The following TENM4 variants were observed in gnomAD, a reference collection of about 807,000 sequenced individuals.
TENM4 encodes the protein teneurin-4.
TENM4 carries 82 observed loss-of-function variants against 243.3 expected under a neutral mutation model. The ratio of observed to expected loss-of-function variants is 0.34; its 90% CI spans 0.28 to 0.40. TENM4 has a LOEUF of 0.40. Among genes scored for constraint, TENM4 ranks in the 10% least tolerant of loss-of-function variants. The pLI is 1.00. For synonymous variants in TENM4, 1,412 were observed against 1,456.3 expected (o/e 0.97, Z 0.69); for missense variants, 3,138 against 3,673.3 (o/e 0.85, Z 3.77).
intron 32 of TENM4, 33 bp downstream of exon 32, chr11:78,668,904 G>A (rs1298462032): frequency 6.3e-6 from 10 of 1,582,540 alleles, no homozygotes; most frequent in Non-Finnish European, 7.8e-6. Flanking sequence ...GCACTTTATG[G>A]GGTCCTGCCC....
At chr11:78,917,395 G>C (rs1434824881) in intron 6 of TENM4, among the ~76,000 whole-genome samples, 1 of 152,218 alleles carries the variant, frequency 6.6e-6, no homozygotes, top group Non-Finnish European at 1.5e-5. Context: ...GCCCTAAAAG[G>C]CCTCACTTGG....
intron 1 of TENM4, among the ~76,000 whole-genome samples, chr11:79,357,201 C>T (rs1322609881): frequency 6.6e-6 from 1 of 152,180 alleles, no homozygotes; most frequent in East Asian, 1.9e-4. Flanking sequence ...CTGGCACATG[C>T]CTTGTCTGAG....
chr11:78,754,621 A>C (rs183415653), intron 19 of TENM4, among the ~76,000 whole-genome samples: 21 of 152,304 alleles, frequency 1.4e-4, no homozygotes, highest in Admixed American at 5.2e-4. Flanking sequence ...GGATTAAAAA[A>C]ACTCACACTG....
intron 4 of TENM4, among the ~76,000 whole-genome samples, chr11:79,098,944 G>T (rs1011919893): frequency 1.3e-5 from 2 of 152,206 alleles, no homozygotes; most frequent in African/African-American, 2.4e-5. Context: ...GGGATAGAAA[G>T]GTCTCCCTCA....
Position 78,853,851 on chromosome 11 carries a change from C to T in TENM4, c.1681+253G>A, listed in dbSNP as rs188046357. ...TTCCTGTCTCACAATTCCACTCCCA[C>T]CTTGAAATGCACTGCACACCAACCA... On this transcript the variant is annotated intron_variant, in intron 12 of 33. Transcript: ENST00000278550. Among the ~76,000 whole-genome samples the T allele has an allele frequency of 1.8e-3, 274 of 152,350 alleles. 1 individual carries two copies. The highest frequency in any genetic ancestry group is 6.2e-3 in the African/African-American group (257 of 41,580).
At position 79,399,634 on chromosome 11, in the gene TENM4, T is replaced by C. The variant is rs182296412; in HGVS notation, c.-321+40875A>G. Among the ~76,000 whole-genome samples, 249 of 152,240 alleles carry C rather than the reference T, an allele frequency of 1.6e-3. 2 individuals carry two copies. The highest frequency in any genetic ancestry group is 0.014 in the South Asian group (68 of 4,810). ...TTGCTTGAATACATTTGTTTATTAA[T>C]TTGATAACTTGATGGATCTTAGTTC... On this transcript the variant is annotated intron_variant, in intron 1 of 33. Coordinates refer to ENST00000278550, the MANE Select transcript of TENM4 (RefSeq NM_001098816.3).
chr11:79,367,561 G>A (rs963604800), intron 1 of TENM4, among the ~76,000 whole-genome samples: 7 of 152,104 alleles, frequency 4.6e-5, no homozygotes, highest in Admixed American at 2.6e-4. Context: ...CCATCATTTT[G>A]TCCATAGCTA....
At chr11:79,186,370 C>T (rs1177984775) in intron 3 of TENM4, among the ~76,000 whole-genome samples, 1 of 152,180 alleles carries the variant, frequency 6.6e-6, no homozygotes, top group African/African-American at 2.4e-5. Flanking sequence ...ACAATTGCAT[C>T]TGTTTATCAA....
At chr11:79,430,951 T>C (rs1259972639) in intron 1 of TENM4, among the ~76,000 whole-genome samples, 1 of 152,184 alleles carries the variant, frequency 6.6e-6, no homozygotes, top group East Asian at 1.9e-4. Flanking sequence ...CCAAACGTGC[T>C]AGAAAAAACA....
At chr11:79,377,606 C>T (rs2135519411) in intron 1 of TENM4, among the ~76,000 whole-genome samples, 1 of 152,344 alleles carries the variant, frequency 6.6e-6, no homozygotes, top group South Asian at 2.1e-4. Context: ...ACAGCAGTCG[C>T]TCCATGTAAA....
intron 3 of TENM4, among the ~76,000 whole-genome samples, chr11:79,171,895 C>G (rs1308374583): frequency 6.6e-6 from 1 of 152,200 alleles, no homozygotes; most frequent in African/African-American, 2.4e-5. Context: ...CTGGGGTAAC[C>G]AAGTACTTTG....
intron 1 of TENM4, among the ~76,000 whole-genome samples, chr11:79,388,546 A>G (rs978483692): frequency 5.3e-5 from 8 of 152,200 alleles, no homozygotes; most frequent in Admixed American, 1.3e-4. Context: ...CACCCCCACT[A>G]GATCTGGCTC....
chr11:79,263,017 A>G (rs1855824667), intron 2 of TENM4, among the ~76,000 whole-genome samples: 1 of 152,200 alleles, frequency 6.6e-6, no homozygotes, highest in Non-Finnish European at 1.5e-5. Context: ...CCAGCACAAC[A>G]TTCTTTTCCA....
intron 7 of TENM4, among the ~76,000 whole-genome samples, chr11:78,895,058 G>A (rs1855759039): frequency 7.0e-6 from 1 of 143,624 alleles, no homozygotes; most frequent in African/African-American, 2.6e-5. Context: ...AAATAGTCTT[G>A]TTCTGCTGGG....
chr11:79,013,296 G>A (rs1858696099), intron 6 of TENM4, among the ~76,000 whole-genome samples: 1 of 152,152 alleles, frequency 6.6e-6, no homozygotes, highest in Non-Finnish European at 1.5e-5. Flanking sequence ...GCTCTTCCTT[G>A]TTAATATCTT....
chr11:79,295,537 A>T, intron 2 of TENM4, among the ~76,000 whole-genome samples: 1 of 152,200 alleles, frequency 6.6e-6, no homozygotes. Context: ...AAGACATGGG[A>T]CACTCAGGTT....
At chr11:78,905,160 C>T (rs181217453) in intron 6 of TENM4, among the ~76,000 whole-genome samples, 44 of 152,272 alleles carry the variant, frequency 2.9e-4, no homozygotes, top group African/African-American at 9.6e-4. Context: ...TCCTTTGTTC[C>T]TCATGAGAAT....
chr11:79,336,835 G>C (rs1253408512), intron 1 of TENM4, among the ~76,000 whole-genome samples: 4 of 152,342 alleles, frequency 2.6e-5, no homozygotes, highest in South Asian at 4.1e-4. Context: ...TGGCCCAGGA[G>C]GCCCCCAGTT....
chr11:79,121,068 C>G (rs1861735659), intron 4 of TENM4, among the ~76,000 whole-genome samples: 1 of 152,264 alleles, frequency 6.6e-6, no homozygotes, highest in African/African-American at 2.4e-5. Flanking sequence ...TCATATTGTC[C>G]AAAACACTCT....
Sources: gnomAD v4.1 joint callset for allele counts (sites outside exome capture counted in the v4.1 genomes callset) on GRCh38, gnomAD v4.1.1 for gene constraint, MANE v1.5 for transcripts, NCBI Gene and HGNC (gene_info 2026-07-23, HGNC 2026-07-21) for gene names.